The following PHACTR1 variants were observed in gnomAD, a reference collection of about 807,000 sequenced individuals.
PHACTR1 encodes the protein RPEL repeat containing 1.
Under a neutral mutation model 69.2 loss-of-function variants are expected in PHACTR1, and 16 were observed. The ratio of observed to expected loss-of-function variants is 0.23; its 90% CI spans 0.16 to 0.35. PHACTR1 has a LOEUF of 0.35. Ranked by LOEUF, PHACTR1 falls within the 10% of genes least tolerant of loss-of-function variation. The pLI is 1.00. For synonymous variants in PHACTR1, 312 were observed against 284.5 expected, an observed-to-expected ratio of 1.10 and a Z score of -0.97; for missense variants, 510 against 734.7, an observed-to-expected ratio of 0.69 and a Z score of 3.54.
intron 7 of PHACTR1, chr6:13,184,931 A>C (rs1762646326): frequency 8.8e-6 from 12 of 1,366,606 alleles, no homozygotes; most frequent in Non-Finnish European, 1.2e-5. Flanking sequence ...ACCCCAGTGA[A>C]GCAGCTGCCC....
At chr6:13,152,162 G>A (rs1339544087) in intron 5 of PHACTR1, among the ~76,000 whole-genome samples, 1 of 152,016 alleles carries the variant, frequency 6.6e-6, no homozygotes, top group African/African-American at 2.4e-5. Context: ...GTGAAACCAT[G>A]TCTCTACTAA....
intron 4 of PHACTR1, among the ~76,000 whole-genome samples, chr6:12,847,233 G>A (rs757443916): frequency 3.4e-4 from 51 of 152,162 alleles, no homozygotes; most frequent in Admixed American, 1.3e-3. Flanking sequence ...CACATTCACA[G>A]ATGTCATTTT....
At chr6:13,004,727 C>A (rs1023568781) in intron 4 of PHACTR1, among the ~76,000 whole-genome samples, 1 of 152,074 alleles carries the variant, frequency 6.6e-6, no homozygotes, top group African/African-American at 2.4e-5. Flanking sequence ...TTCTTATGTG[C>A]AAAGTTCTGG....
intron 4 of PHACTR1, among the ~76,000 whole-genome samples, chr6:13,034,280 G>A (rs1033010108): frequency 9.9e-5 from 15 of 152,010 alleles, no homozygotes; most frequent in Non-Finnish European, 1.2e-4. Flanking sequence ...GCCTCCCAAA[G>A]TGCTGGGATT....
At chr6:13,014,167 G>A (rs1358730339) in intron 4 of PHACTR1, among the ~76,000 whole-genome samples, 1 of 151,970 alleles carries the variant, frequency 6.6e-6, no homozygotes, top group Admixed American at 6.5e-5. Context: ...TCGGGGCGGC[G>A]GCGGCGAGCG....
intron 5 of PHACTR1, among the ~76,000 whole-genome samples, chr6:13,089,048 C>T (rs1409976615): frequency 6.6e-6 from 1 of 152,212 alleles, no homozygotes; most frequent in Non-Finnish European, 1.5e-5. Flanking sequence ...TCCTCTGTCT[C>T]CTTTACCTTC....
chr6:12,754,333 T>G (rs1016923217), intron 4 of PHACTR1, among the ~76,000 whole-genome samples: 1 of 152,104 alleles, frequency 6.6e-6, no homozygotes, highest in Non-Finnish European at 1.5e-5. Context: ...CCTAAAGGTT[T>G]TGATAGGCAT....
At chr6:13,189,663 G>T (rs1253178591) in intron 7 of PHACTR1, among the ~76,000 whole-genome samples, 1 of 152,108 alleles carries the variant, frequency 6.6e-6, no homozygotes, top group South Asian at 2.1e-4. Context: ...GCCTCCCAAA[G>T]TGCTGGGATT....
intron 5 of PHACTR1, among the ~76,000 whole-genome samples, chr6:13,071,282 G>A (rs1412186369): frequency 3.9e-5 from 6 of 152,090 alleles, no homozygotes; most frequent in Admixed American, 3.3e-4. Context: ...CAAAAAATTA[G>A]CCAGGCTTGG....
chr6:12,764,814 C>G (rs144619376), intron 4 of PHACTR1, among the ~76,000 whole-genome samples: 9 of 151,966 alleles, frequency 5.9e-5, no homozygotes, highest in African/African-American at 2.2e-4. Context: ...GAGAAAATGT[C>G]TAGAGGTCAT....
intron 4 of PHACTR1, among the ~76,000 whole-genome samples, chr6:12,891,839 A>T (rs1180067473): frequency 6.6e-6 from 1 of 152,188 alleles, no homozygotes; most frequent in African/African-American, 2.4e-5. Context: ...TTTCACCTAC[A>T]TTCTGTGTAA....
At chr6:13,151,948 C>G (rs1260719582) in intron 5 of PHACTR1, among the ~76,000 whole-genome samples, 3 of 151,902 alleles carry the variant, frequency 2.0e-5, no homozygotes, top group African/African-American at 2.4e-5. Flanking sequence ...ATGTGCAAGA[C>G]ATTTTTTTAA....
chr6:13,168,172 T>C (rs9473569), intron 6 of PHACTR1, among the ~76,000 whole-genome samples: 9,256 of 152,302 alleles, frequency 0.061, 764 homozygotes, highest in African/African-American at 0.18. Flanking sequence ...AAAGAGTGTT[T>C]ACTTTCAGCA....
At chr6:12,777,720 C>T (rs1770270383) in intron 4 of PHACTR1, among the ~76,000 whole-genome samples, 1 of 149,354 alleles carries the variant, frequency 6.7e-6, no homozygotes, top group Non-Finnish European at 1.5e-5. Flanking sequence ...CAACCTATGC[C>T]TCCCAGGTTC....
At chr6:12,992,450 G>T (rs1314540411) in intron 4 of PHACTR1, among the ~76,000 whole-genome samples, 1 of 152,160 alleles carries the variant, frequency 6.6e-6, no homozygotes, top group Non-Finnish European at 1.5e-5. Context: ...TGAAGAAGAG[G>T]TCAGAACAAT....
chr6:13,285,827 T>TTC (rs1230295009), intron 13 of PHACTR1, among the ~76,000 whole-genome samples: 43 of 152,166 alleles, frequency 2.8e-4, no homozygotes, highest in African/African-American at 9.7e-4. Flanking sequence ...TGACATTGAA[T>TTC]GTGTTCTTGG....
At chr6:13,173,110 T>C (rs1011870703) in intron 6 of PHACTR1, among the ~76,000 whole-genome samples, 9 of 152,226 alleles carry the variant, frequency 5.9e-5, no homozygotes, top group Non-Finnish European at 1.3e-4. Context: ...ACAGAGACTT[T>C]TAAACACAAA....
At chr6:13,054,315 T>C (rs1241939590) in intron 5 of PHACTR1, among the ~76,000 whole-genome samples, 4 of 152,214 alleles carry the variant, frequency 2.6e-5, no homozygotes, top group African/African-American at 7.2e-5. Context: ...GAGGGAAATG[T>C]GCTACAGGGA....
chr6:12,905,622 G>A (rs1002741665), intron 4 of PHACTR1, among the ~76,000 whole-genome samples: 1 of 152,160 alleles, frequency 6.6e-6, no homozygotes, highest in African/African-American at 2.4e-5. Context: ...AGGAGGGAGA[G>A]GGCATGACAG....
Sources: gnomAD v4.1 joint callset for allele counts (sites outside exome capture counted in the v4.1 genomes callset) on GRCh38, gnomAD v4.1.1 for gene constraint, MANE v1.5 for transcripts, NCBI Gene and HGNC (gene_info 2026-07-23, HGNC 2026-07-21) for gene names.